RICTOR: variants seen among roughly 807,000 people sequenced by gnomAD.
RICTOR encodes rapamycin-insensitive companion of mTOR.
In RICTOR, 49 loss-of-function variants were observed where a neutral mutation model predicts 214.9. That is an observed-to-expected ratio of 0.23 (90% CI 0.18 to 0.29). The LOEUF is 0.29. Among genes scored for constraint, RICTOR ranks in the 10% least tolerant of loss-of-function variants. The pLI is 1.00. For synonymous variants in RICTOR, 717 were observed against 711.3 expected, an observed-to-expected ratio of 1.01 and a Z score of -0.13; for missense variants, 1,625 against 2,047.0, an observed-to-expected ratio of 0.79 and a Z score of 3.98.
intron 30 of RICTOR, 145 bp downstream of exon 30, chr5:38,952,051 T>C (rs1240778050): frequency 2.9e-5 from 17 of 595,820 alleles, no homozygotes; most frequent in South Asian, 1.7e-4. Context: ...TATGAAAATA[T>C]ACACATTCTC....
chr5:39,021,426 T>C lies in RICTOR; in HGVS notation c.98-290A>G, dbSNP rs79880765. 7.8e-3 allele frequency among the ~76,000 whole-genome samples: 1,188 copies of C among 152,298 alleles called. 21 individuals are homozygous for C. The highest frequency in any genetic ancestry group is 0.027 in the African/African-American group (1,105 of 41,550). ...GAATGTGTTCCCCCCAAAGTTGTGT[T>C]GGAAACTTAACCACTAATGCAAAAG... On this transcript the variant is annotated intron_variant, in intron 2 of 37. Transcript: ENST00000357387.
In RICTOR at chr5:38,944,432, C is replaced by T. The variant is rs756627877; in HGVS notation, c.4913+14G>A. 5 of 1,591,332 alleles carry T rather than the reference C, an allele frequency of 3.1e-6. No homozygotes were observed. The highest frequency in any genetic ancestry group is 1.7e-4 in the Middle Eastern group (1 of 5,922). The stretch of plus-strand genomic sequence containing the variant: ...AGAATAAACAAATAATACTCATGCA[C>T]ATAGTTTACTCACGTTAAAAGCCCA... On this transcript the variant is annotated intron_variant, in intron 36 of 37. Transcript: ENST00000357387.
chr5:38,978,700 C>T (rs1751437676), intron 8 of RICTOR, 50 bp from the exon 9 acceptor site: 3 of 871,284 alleles, frequency 3.4e-6, no homozygotes, highest in East Asian at 2.6e-5. Flanking sequence ...AAAATGCATC[C>T]TTCCTGCATT....
chr5:38,979,637 G>T (rs1751544181), intron 8 of RICTOR, among the ~76,000 whole-genome samples: 1 of 152,092 alleles, frequency 6.6e-6, no homozygotes, highest in Non-Finnish European at 1.5e-5. Context: ...AGTCTCATAA[G>T]ATTTCAGTCC....
chr5:39,070,250 G>A (rs1243425004), intron 2 of RICTOR, among the ~76,000 whole-genome samples: 1 of 152,100 alleles, frequency 6.6e-6, no homozygotes, highest in Non-Finnish European at 1.5e-5. Flanking sequence ...TGGATCATGA[G>A]GTCAGGAGAT....
rs1237960249 is a variant in RICTOR, at chr5:38,938,984, G to GA, written c.*3319dup. On this transcript the variant is annotated 3_prime_UTR_variant, in exon 38 of 38. Transcript: ENST00000357387. ...AAAGTGGAAGCATAAGACTAAAGGA[G>GA]AAAAAACCTTACTTCCAAAGAACAT... 4 of 232,896 alleles carry GA rather than the reference G, an allele frequency of 1.7e-5. No individual in the cohort carries two copies. Among genetic ancestry groups the GA allele is most frequent in the Admixed American group, 1.1e-4 (2 of 17,770 alleles). 14.4% of individuals were successfully genotyped at this position (232,896 alleles called of 1,614,324 possible).
intron 10 of RICTOR, among the ~76,000 whole-genome samples, chr5:38,973,466 G>T (rs888431732): frequency 6.6e-6 from 1 of 152,126 alleles, no homozygotes; most frequent in East Asian, 1.9e-4. Flanking sequence ...GTAAAATCTA[G>T]GTGGAAGTAT....
At chr5:38,987,968 G>A (rs903057177) in intron 7 of RICTOR, among the ~76,000 whole-genome samples, 7 of 152,096 alleles carry the variant, frequency 4.6e-5, no homozygotes, top group Admixed American at 4.6e-4. Flanking sequence ...TATTTACCCA[G>A]TAGTCATTAA....
chr5:39,047,426 C>T (rs1263383214), intron 2 of RICTOR, among the ~76,000 whole-genome samples: 2 of 152,154 alleles, frequency 1.3e-5, no homozygotes, highest in Non-Finnish European at 2.9e-5. Context: ...GTAATGTATG[C>T]TTGCCCGCTG....
At chr5:38,981,544 T>C (rs1751716108) in intron 8 of RICTOR, 1 of 204,166 alleles carries the variant, frequency 4.9e-6, no homozygotes, top group East Asian at 1.2e-4. Flanking sequence ...ACACACAATG[T>C]ACTAAAGGCC....
At position 38,985,819 on chromosome 5, in the gene RICTOR, C is replaced by T. The variant is rs557364462; in HGVS notation, c.584-3783G>A. On this transcript the variant is annotated intron_variant, in intron 7 of 37. Transcript: ENST00000357387. ...CAAGCGATTCTCCTGCTTCAGCCTC[C>T]CGAGTAGCTGGGATTACAGGCGCAT... Among the ~76,000 whole-genome samples, 8 of 152,252 alleles carry T rather than the reference C, an allele frequency of 5.3e-5. No homozygotes were observed. In the East Asian group the frequency reaches 1.5e-3, roughly 29 times the overall value.
At chr5:38,949,321 A>C (rs1218282680) in intron 31 of RICTOR, 1 of 1,335,938 alleles carries the variant, frequency 7.5e-7, no homozygotes, top group Admixed American at 2.3e-5. Flanking sequence ...AAAAATAATA[A>C]AGAGGTCAAC....
chr5:38,971,988 ACT>A (rs752030788), intron 10 of RICTOR, 29 bp from the exon 11 acceptor site: 2 of 1,022,132 alleles, frequency 2.0e-6, no homozygotes, highest in South Asian at 1.4e-5. Context: ...AAAAAAAATC[ACT>A]GACATGAATT....
At chr5:38,982,281 G>A (rs1365337858) in intron 7 of RICTOR, among the ~76,000 whole-genome samples, 1 of 152,116 alleles carries the variant, frequency 6.6e-6, no homozygotes, top group Admixed American at 6.5e-5. Flanking sequence ...ATAACGGAAT[G>A]GCTTTTTTTC....
intron 2 of RICTOR, among the ~76,000 whole-genome samples, chr5:39,035,749 C>T (rs1008453465): frequency 3.9e-5 from 6 of 152,010 alleles, no homozygotes; most frequent in Admixed American, 1.3e-4. Context: ...TGAAATGAAG[C>T]GAGAAGAGAA....
In RICTOR at chr5:38,978,567, A is replaced by G; in HGVS notation, c.821+16T>C. ...ATACATTATCTTAAAAATTATTAGG[A>G]ACCAATGTTACTTACTTGAGCTGTC... is the stretch of plus-strand genomic sequence containing the variant. On this transcript the variant is annotated intron_variant, in intron 9 of 37. Coordinates refer to ENST00000357387, the MANE Select transcript of RICTOR (RefSeq NM_152756.5). 1 of 1,413,854 alleles carries G rather than the reference A, an allele frequency of 7.1e-7. No individual in the cohort carries two copies. Among genetic ancestry groups the G allele is most frequent in the Non-Finnish European group, 9.9e-7 (1 of 1,011,176 alleles). 87.6% of individuals were successfully genotyped at this position (1,413,854 alleles called of 1,614,324 possible).
intron 2 of RICTOR, among the ~76,000 whole-genome samples, chr5:39,028,904 C>G (rs1268604324): frequency 6.6e-6 from 1 of 151,974 alleles, no homozygotes; most frequent in East Asian, 1.9e-4. Flanking sequence ...TCTCTTAAAA[C>G]CAAAACAATA....
At position 38,952,285 on chromosome 5, in the gene RICTOR, T is replaced by C. The variant is rs1370889689; in HGVS notation, c.3038A>G (p.Asn1013Ser). The change falls in exon 30 of 38, where the codon AAT becomes AGT. Residue 1013 changes from asparagine to serine, a missense_variant. Asn to Ser is a conservative substitution (Grantham distance 46). Around this residue, in one of 5 missense-constraint regions of RICTOR, gnomAD observed 1,214 missense variants for 1,470.5 expected, o/e 0.83. Transcript: ENST00000357387. ...VVPDDVEQLC[N>S]ELSSIPSTLS... ...AGTGCTTGGGATAGATGAAAGTTCA[T>C]TACAGAGTTGTTCCACATCATCTGG... 6.2e-7 allele frequency: 1 copy of C among 1,612,900 alleles called. No homozygotes were observed. Among genetic ancestry groups the C allele is most frequent in the African/African-American group, 1.3e-5 (1 of 74,836 alleles).
intron 7 of RICTOR, among the ~76,000 whole-genome samples, chr5:38,983,221 A>C (rs1444058800): frequency 2.0e-5 from 3 of 152,238 alleles, no homozygotes; most frequent in Non-Finnish European, 2.9e-5. Flanking sequence ...CACACACACA[A>C]GTCATACACA....
Sources: allele counts gnomAD v4.1 joint callset (sites outside exome capture counted in the v4.1 genomes callset), GRCh38; gene constraint gnomAD v4.1.1; regional missense constraint gnomAD v4.1.1; transcripts MANE v1.5; gene names NCBI Gene and HGNC (gene_info 2026-07-23, HGNC 2026-07-21).